DYRK4: variants seen among roughly 807,000 people sequenced by gnomAD.
DYRK4 encodes dual specificity tyrosine phosphorylation regulated kinase 4, also known as dual specificity tyrosine-phosphorylation-regulated kinase 4.
In DYRK4, 64 loss-of-function variants were observed where a neutral mutation model predicts 68.3. The observed-to-expected ratio is 0.94, with a 90% CI of 0.77 to 1.15. The LOEUF (loss-of-function observed/expected upper bound fraction) is 1.15, where lower values mean the gene tolerates loss of function less well. Among genes scored for constraint, DYRK4 ranks in the 50% most tolerant of loss-of-function variants. The pLI is 0.00. For missense variants in DYRK4, 740 were observed against 764.7 expected (o/e 0.97, Z 0.38); for synonymous variants, 274 against 289.9 (o/e 0.95, Z 0.56).
intron 2 of DYRK4, among the ~76,000 whole-genome samples, chr12:4,583,596 T>C (rs891151075): frequency 2.6e-5 from 4 of 152,106 alleles, no homozygotes; most frequent in Non-Finnish European, 5.9e-5. Flanking sequence ...GGTTTCACCA[T>C]GTTTGCCAGG....
chr12:4,604,105 A>C (rs1945112578), intron 10 of DYRK4, among the ~76,000 whole-genome samples: 1 of 152,222 alleles, frequency 6.6e-6, no homozygotes. Context: ...GTAAGGGTTG[A>C]AAGGGCTTAT....
chr12:4,596,307 G>A (rs761153590), intron 7 of DYRK4, 22 bp downstream of exon 7: 2 of 1,613,908 alleles, frequency 1.2e-6, no homozygotes, highest in Non-Finnish European at 1.7e-6. Context: ...GGATGACATA[G>A]GCCACAGAGG....
chr12:4,585,245 A>G (rs1479360417), intron 2 of DYRK4, among the ~76,000 whole-genome samples: 1 of 151,968 alleles, frequency 6.6e-6, no homozygotes, highest in Non-Finnish European at 1.5e-5. Flanking sequence ...GATTCCCACA[A>G]TTGCTGTTTC....
At chr12:4,603,505 C>A (rs146415854) in intron 10 of DYRK4, 5 of 241,564 alleles carry the variant, frequency 2.1e-5, no homozygotes, top group Admixed American at 2.0e-4. Flanking sequence ...GTGTAAAATG[C>A]GGCGGCTGGG....
chr12:4,587,558 A>G (rs528951728), intron 2 of DYRK4, among the ~76,000 whole-genome samples: 1 of 152,316 alleles, frequency 6.6e-6, no homozygotes, highest in South Asian at 2.1e-4. Context: ...CTACTTGATG[A>G]GAAATTGAGA....
chr12:4,599,167 G>A lies in DYRK4; in HGVS notation c.1044+1G>A, dbSNP rs185807035. 32 of 1,613,572 alleles carry A rather than the reference G, an allele frequency of 2.0e-5. No homozygotes were observed. Among genetic ancestry groups the A allele is most frequent in the Admixed American group, 6.7e-5 (4 of 59,980 alleles). On this transcript the variant is annotated splice_donor_variant, in intron 9 of 14. Coordinates refer to ENST00000543431, the MANE Select transcript of DYRK4 (RefSeq NM_001394779.1). LOFTEE classifies it high-confidence loss of function. ...AATCATTCACTGTGATCTCAAGCCC[G>A]TGAGTACCATCTCCGTCCTGCCATG...
chr12:4,562,815 C>T (rs564993192), intron 1 of DYRK4, among the ~76,000 whole-genome samples: 2 of 150,924 alleles, frequency 1.3e-5, no homozygotes, highest in East Asian at 3.9e-4. Context: ...CAAAAGCGCG[C>T]GAAGGTGTGT....
Position 4,591,443 on chromosome 12 carries a change from G to T in DYRK4, c.463+145G>T, listed in dbSNP as rs1049848138. On this transcript the variant is annotated intron_variant, in intron 5 of 14. Coordinates refer to ENST00000543431, the MANE Select transcript of DYRK4 (RefSeq NM_001394779.1). This position sits in a 1 kb window ranked among gnomAD's most constrained non-coding sequence, Gnocchi z 4.1. ...CAGCCAAGAGGAAAGTAGAAGTTAAGCGTTGAACCTCTGACTGTGGTAGTA... is the reference window on the plus strand; with the variant it reads ...CAGCCAAGAGGAAAGTAGAAGTTAATCGTTGAACCTCTGACTGTGGTAGTA... The T allele has an allele frequency of 3.4e-6, 4 of 1,159,700 alleles. No individual in the cohort carries two copies. The highest frequency in any genetic ancestry group is 3.0e-4 in the Middle Eastern group (1 of 3,330). 71.8% of individuals were successfully genotyped at this position (1,159,700 alleles called of 1,614,324 possible).
intron 9 of DYRK4, among the ~76,000 whole-genome samples, chr12:4,599,438 G>C (rs1945056469): frequency 6.6e-6 from 1 of 152,072 alleles, no homozygotes; most frequent in Non-Finnish European, 1.5e-5. Flanking sequence ...CTATCTTCAG[G>C]AGTTGCAGAA....
At chr12:4,590,481 G>T in intron 4 of DYRK4, 41 bp downstream of exon 4, 1 of 1,531,022 alleles carries the variant, frequency 6.5e-7, no homozygotes, top group Non-Finnish European at 8.7e-7. Flanking sequence ...GCAGGTGAAA[G>T]ACCTGGTTTT....
At chr12:4,595,712 C>T (rs1945009970) in intron 6 of DYRK4, among the ~76,000 whole-genome samples, 1 of 152,142 alleles carries the variant, frequency 6.6e-6, no homozygotes, top group Admixed American at 6.5e-5. Flanking sequence ...ATAAAACTTC[C>T]CCCAAACCAG....
chr12:4,563,003 A>G, intron 1 of DYRK4: 1 of 454,100 alleles, frequency 2.2e-6, no homozygotes, highest in Non-Finnish European at 4.4e-6. Flanking sequence ...CCCCTCTGAC[A>G]TGTCTTAAGC....
intron 3 of DYRK4, chr12:4,590,091 G>C: frequency 8.1e-7 from 1 of 1,235,130 alleles, no homozygotes. Context: ...GTGAGCTGTT[G>C]AAAGCCTGCA....
rs1945022376 is a variant in DYRK4 at position 4,596,713 on chromosome 12, A to G, written c.889A>G (p.Thr297Ala). 1.9e-6 allele frequency: 3 copies of G among 1,613,976 alleles called. No individual in the cohort carries two copies. The African/African-American group carries it at 4.0e-5, about 22-fold the overall frequency. ...FFYFRNHFCI[T>A]FELLGINLYE... ...CTACTTTCGCAATCACTTCTGCATC[A>G]CCTTTGAGCTCCTGGGGTCAGCTGC... Residue 297 changes from threonine (T) to alanine (A), a missense_variant, in exon 8 of 15, where the codon ACC becomes GCC. By Grantham distance (58) the Thr-to-Ala change is moderately conservative. Transcript: ENST00000543431.
intron 3 of DYRK4, 32 bp downstream of exon 3, chr12:4,589,049 G>A: frequency 1.3e-6 from 2 of 1,532,362 alleles, no homozygotes; most frequent in Non-Finnish European, 1.7e-6. Flanking sequence ...CTTTTCTCTA[G>A]GAGAGAATGA....
rs1944951361 is a variant in DYRK4 at position 4,591,305 on chromosome 12, C to G, written c.463+7C>G. On this transcript the variant is annotated splice_region_variant and intron_variant, in intron 5 of 14. Transcript: ENST00000543431. The surrounding 1 kb of genome is among the most constrained non-coding windows in gnomAD (Gnocchi z 4.1). The stretch of plus-strand genomic sequence containing the variant: ...GTGACTCTGACAGCGGCAGGTATGC[C>G]TTTGGGGCAGTAGCAGGGTGGGGAG... The G allele has an allele frequency of 1.9e-6, 3 of 1,613,478 alleles. No homozygotes were observed. The highest frequency in any genetic ancestry group is 3.3e-5 in the Admixed American group (2 of 59,958).
chr12:4,613,858 TTA>T lies in DYRK4; in HGVS notation c.*107_*108del. On this transcript the variant is annotated 3_prime_UTR_variant, in exon 15 of 15. Coordinates refer to ENST00000543431, the MANE Select transcript of DYRK4 (RefSeq NM_001394779.1). The surrounding 1 kb of genome is among the most constrained non-coding windows in gnomAD (Gnocchi z 4.0). ...CTGTTTTTTTTAAATACATAAAACT[TTA>T]TGTTAAAAAACTCTATTAACATGGC... The T allele has an allele frequency of 1.5e-6, 2 of 1,347,846 alleles. No homozygotes were observed. The allele number at this position is 1,347,846 out of a possible 1,614,324, so 83.5% of individuals were successfully genotyped here.
chr12:4,584,461 T>C (rs562013862), intron 2 of DYRK4, among the ~76,000 whole-genome samples: 1 of 152,170 alleles, frequency 6.6e-6, no homozygotes, highest in East Asian at 1.9e-4. Flanking sequence ...GTTTGGCACC[T>C]TTGTAGTTAT....
intron 2 of DYRK4, among the ~76,000 whole-genome samples, chr12:4,576,213 C>T (rs1251559017): frequency 2.0e-5 from 3 of 152,340 alleles, no homozygotes; most frequent in African/African-American, 4.8e-5. Flanking sequence ...CTGGCAACCA[C>T]TCTTTATACT....
Sources: allele counts gnomAD v4.1 joint callset (sites outside exome capture counted in the v4.1 genomes callset), GRCh38; gene constraint gnomAD v4.1.1; non-coding constraint Gnocchi (gnomAD v3.1); transcripts MANE v1.5; gene names NCBI Gene and HGNC (gene_info 2026-07-23, HGNC 2026-07-21).